The following SMC1A variants were observed in gnomAD, a reference collection of about 807,000 sequenced individuals.
SMC1A encodes structural maintenance of chromosomes 1A, also known as structural maintenance of chromosomes protein 1A.
SMC1A carries 4 observed loss-of-function variants against 94.5 expected under a neutral mutation model. The observed-to-expected ratio is 0.04, with a 90% confidence interval of 0.02 to 0.10. The LOEUF (loss-of-function observed/expected upper bound fraction) is 0.10. SMC1A is among the 10% of genes least tolerant of loss of function. SMC1A has a pLI of 1.00. For missense variants in SMC1A, 304 were observed against 989.0 expected (o/e 0.31, Z 9.29); for synonymous variants, 345 against 347.7 (o/e 0.99, Z 0.09).
At chrX:53,418,134 T>C (rs2075739213) in intron 1 of SMC1A, among the ~76,000 whole-genome samples, 1 of 112,702 alleles carries the variant, frequency 8.9e-6, no homozygotes, top group African/African-American at 3.2e-5. Flanking sequence ...TTGTTCATTT[T>C]AGAATCCGAA....
chrX:53,410,848 A>G, intron 7 of SMC1A, among the ~76,000 whole-genome samples: 1 of 100,002 alleles, frequency 1.0e-5, no homozygotes, highest in East Asian at 3.2e-4. Context: ...AATCACTTGA[A>G]CCCGACAGGC....
Position 53,377,457 on chromosome X carries a change from TG to T in SMC1A, c.*2645del, listed in dbSNP as rs1396427078. On this transcript the variant is annotated 3_prime_UTR_variant, in exon 25 of 25. Transcript: ENST00000322213. ...GGATGTGGGGGTGCAAGCAGGGAAC[TG>T]CTGCTTCTCATTATAAGCCCTTCTG... is the stretch of plus-strand genomic sequence containing the variant. 1 of 112,575 alleles carries T rather than the reference TG, an allele frequency of 8.9e-6. No homozygotes were observed. The highest frequency in any genetic ancestry group is 1.9e-5 in the Non-Finnish European group (1 of 53,263). The allele number at this position is 112,575 out of a possible 1,213,427, so 9.3% of individuals were successfully genotyped here. A position where few individuals can be genotyped will look rare whatever the true frequency, so the allele number is the denominator to read the frequency against.
chrX:53,421,928 C>G, intron 1 of SMC1A: 1 of 1,209,424 alleles, frequency 8.3e-7, no homozygotes, highest in Non-Finnish European at 1.1e-6. Flanking sequence ...GGGATCGACA[C>G]CTCAAGCATT....
chrX:53,381,893 G>C (rs1005696631), intron 22 of SMC1A: 20 of 325,323 alleles, frequency 6.1e-5, no homozygotes, highest in Non-Finnish European at 1.1e-4. Context: ...TTCCTAAAGG[G>C]GAGGAGAATG....
At chrX:53,382,198 C>T (rs782501516) in intron 22 of SMC1A, 34 bp downstream of exon 22, 2 of 1,207,035 alleles carry the variant, frequency 1.7e-6, no homozygotes, top group Non-Finnish European at 1.1e-6. Context: ...TCAGTTCAGT[C>T]TCTTCGTCAA....
At chrX:53,416,713 T>A (rs782015815) in intron 1 of SMC1A, among the ~76,000 whole-genome samples, 1 of 108,429 alleles carries the variant, frequency 9.2e-6, no homozygotes, top group Non-Finnish European at 1.9e-5. Flanking sequence ...TTAATGGGCA[T>A]AGATTTTCAT....
chrX:53,392,456 G>C (rs1556887404), intron 19 of SMC1A, among the ~76,000 whole-genome samples: 1 of 110,641 alleles, frequency 9.0e-6, no homozygotes, highest in East Asian at 2.8e-4. Context: ...ACATCCCTGT[G>C]CATTTTTTTT....
At chrX:53,416,171 C>T (rs1226996764) in intron 1 of SMC1A, among the ~76,000 whole-genome samples, 1 of 105,644 alleles carries the variant, frequency 9.5e-6, no homozygotes, top group Non-Finnish European at 1.9e-5. Context: ...GGCGTGGTGG[C>T]GGGCGCCTGT....
In SMC1A at chrX:53,378,028, G is replaced by A. The variant is rs782137665; in HGVS notation, c.*2075C>T. ...TATGTATTAGAAGAATACATAATTA[G>A]CACACATCAAACCTGTGATTTCACA... On this transcript the variant is annotated 3_prime_UTR_variant, in exon 25 of 25. Transcript: ENST00000322213. 4.5e-5 allele frequency: 5 copies of A among 112,240 alleles called. No individual in the cohort carries two copies. Among genetic ancestry groups the A allele is most frequent in the African/African-American group, 1.6e-4 (5 of 30,786 alleles). The allele number at this position is 112,240 out of a possible 1,213,427, so 9.2% of individuals were successfully genotyped here. A position where few individuals can be genotyped will look rare whatever the true frequency, so the allele number is the denominator to read the frequency against.
chrX:53,393,361 A>G (rs1556887539), intron 19 of SMC1A, among the ~76,000 whole-genome samples: 3 of 111,557 alleles, frequency 2.7e-5, no homozygotes, highest in African/African-American at 9.8e-5. Context: ...AAAATGTTAT[A>G]GACTAGCAGA....
rs1271502426 is a variant in SMC1A at position 53,384,630 on chromosome X, G to A, written c.2974-1377C>T. Among the ~76,000 whole-genome samples, 5 of 110,953 alleles carry A rather than the reference G, an allele frequency of 4.5e-5. No individual in the cohort carries two copies. The South Asian group carries it at 1.1e-3, about 25-fold the overall frequency. On this transcript the variant is annotated intron_variant, in intron 19 of 24. Coordinates refer to ENST00000322213, the MANE Select transcript of SMC1A (RefSeq NM_006306.4). ...AGCCAGGGGAGGTTGCTCATGGTCC[G>A]TTCATCAAACTGAAAATAATTCAAA... is the stretch of plus-strand genomic sequence containing the variant.
At position 53,391,004 on chromosome X, in the gene SMC1A, GA is replaced by G. The variant is rs1175710151; in HGVS notation, c.2973+3773del. 2.6e-3 allele frequency among the ~76,000 whole-genome samples: 139 copies of G among 53,990 alleles called. No individual in the cohort carries two copies. The South Asian group carries it at 0.037, about 15-fold the overall frequency. The allele number at this position is 53,990 out of a possible 115,157, so 46.9% of individuals were successfully genotyped here. ...AAAAAAAAAAAAAAAAAAAGAAAAAGAAAAAAAAAAAAAAAGAAGAAAAATG... is the reference window on the plus strand; with the variant it reads ...AAAAAAAAAAAAAAAAAAAGAAAAAGAAAAAAAAAAAAAAGAAGAAAAATG... On this transcript the variant is annotated intron_variant, in intron 19 of 24. Coordinates refer to ENST00000322213, the MANE Select transcript of SMC1A (RefSeq NM_006306.4).
At chrX:53,393,083 G>A (rs1249981251) in intron 19 of SMC1A, among the ~76,000 whole-genome samples, 1 of 111,949 alleles carries the variant, frequency 8.9e-6, no homozygotes, top group East Asian at 2.8e-4. Flanking sequence ...ACTGACATCA[G>A]GTGTCTACTG....
chrX:53,398,436 T>G (rs2089687480), intron 16 of SMC1A, among the ~76,000 whole-genome samples: 1 of 111,160 alleles, frequency 9.0e-6, no homozygotes, highest in Non-Finnish European at 1.9e-5. Flanking sequence ...CATGCTAAAC[T>G]CAAAAGAACT....
chrX:53,386,205 A>G (rs2075603937), intron 19 of SMC1A, among the ~76,000 whole-genome samples: 1 of 112,066 alleles, frequency 8.9e-6, no homozygotes, highest in South Asian at 3.7e-4. Context: ...TAAAAAAAAA[A>G]GAACATATCC....
At chrX:53,419,337 GACA>G (rs2075745216) in intron 1 of SMC1A, among the ~76,000 whole-genome samples, 1 of 109,229 alleles carries the variant, frequency 9.2e-6, no homozygotes, top group Non-Finnish European at 1.9e-5. Flanking sequence ...GACCAGCCTG[GACA>G]ACATGGCAAA....
chrX:53,398,656 C>T (rs1311923594), intron 16 of SMC1A, among the ~76,000 whole-genome samples: 1 of 111,261 alleles, frequency 9.0e-6, no homozygotes, highest in Non-Finnish European at 1.9e-5. Context: ...TAAGGCAACA[C>T]TGGCAATCTT....
chrX:53,408,409 G>A (rs2075698824), intron 9 of SMC1A, among the ~76,000 whole-genome samples: 1 of 111,531 alleles, frequency 9.0e-6, no homozygotes, highest in Non-Finnish European at 1.9e-5. Context: ...GGTTCCCTAA[G>A]AACTATCAGA....
In SMC1A at chrX:53,379,754, C is replaced by T. The variant is rs782045927; in HGVS notation, c.*349G>A. On this transcript the variant is annotated 3_prime_UTR_variant, in exon 25 of 25. Coordinates refer to ENST00000322213, the MANE Select transcript of SMC1A (RefSeq NM_006306.4). The stretch of plus-strand genomic sequence containing the variant: ...GCAAACATACTCACATGCACACATG[C>T]GGATACATACATACACACATACATA... The T allele has an allele frequency of 2.2e-4, 63 of 285,695 alleles. No homozygotes were observed. Among genetic ancestry groups the T allele is most frequent in the African/African-American group, 1.4e-3 (52 of 37,681 alleles). 23.5% of individuals were successfully genotyped at this position (285,695 alleles called of 1,213,427 possible).
Sources: allele counts gnomAD v4.1 joint callset (sites outside exome capture counted in the v4.1 genomes callset), GRCh38; gene constraint gnomAD v4.1.1; transcripts MANE v1.5; gene names NCBI Gene and HGNC (gene_info 2026-07-23, HGNC 2026-07-21).